The following C14orf119 variants were observed in gnomAD, a reference collection of about 807,000 sequenced individuals.
C14orf119 encodes chromosome 14 open reading frame 119, also known as uncharacterized protein C14orf119.
A neutral mutation model predicts 13.5 loss-of-function variants in C14orf119; 17 were observed. That is an observed-to-expected ratio of 1.26 (90% CI 0.86 to 1.88). The LOEUF (loss-of-function observed/expected upper bound fraction) is 1.88. Ranked by LOEUF, C14orf119 falls within the 40% of genes most tolerant of loss-of-function variation. C14orf119 has a pLI of 0.00. For synonymous variants in C14orf119, 61 were observed against 61.9 expected, an observed-to-expected ratio of 0.99 and a Z score of 0.07; for missense variants, 162 against 165.9, an observed-to-expected ratio of 0.98 and a Z score of 0.13.
chr14:23,098,112 G>T lies in C14orf119; in HGVS notation c.*31G>T. On this transcript the variant is annotated 3_prime_UTR_variant, in exon 2 of 2. Coordinates refer to ENST00000319074, the MANE Select transcript of C14orf119 (RefSeq NM_017924.4). ...ATTCAGACCAAAGAAGATAACCATA[G>T]CTGATGGAGCCATGACTCTCTACAA... The T allele has an allele frequency of 1.3e-6, 2 of 1,592,028 alleles. No homozygotes were observed. The highest frequency in any genetic ancestry group is 2.2e-5 in the East Asian group (1 of 44,646).
chr14:23,096,508 C>CAAAAAAAAAAAAAAA (rs61586635), intron 1 of C14orf119, among the ~76,000 whole-genome samples: 1 of 62,674 alleles, frequency 1.6e-5, no homozygotes, highest in African/African-American at 8.0e-5. Flanking sequence ...GACTCCGTCT[C>CAAAAAAAAAAAAAAA]AAAAAAAAAA....
In C14orf119 at chr14:23,099,511, T is replaced by C. The variant is rs2048412681; in HGVS notation, c.*1430T>C. 1 of 413,148 alleles carries C rather than the reference T, an allele frequency of 2.4e-6. No homozygotes were observed. The highest frequency in any genetic ancestry group is 4.4e-6 in the Non-Finnish European group (1 of 226,150). The allele number at this position is 413,148 out of a possible 1,614,324, so 25.6% of individuals were successfully genotyped here. A position where few individuals can be genotyped will look rare whatever the true frequency, so the allele number is the denominator to read the frequency against. ...CAACCTAGGAACATAGAAGGTAATA[T>C]TTGGCATGGAATAATGCCTAGCCTT... On this transcript the variant is annotated 3_prime_UTR_variant, in exon 2 of 2. Transcript: ENST00000319074.
Position 23,099,287 on chromosome 14 carries a change from CCTCCCTT to C in C14orf119, c.*1207_*1213del. On this transcript the variant is annotated 3_prime_UTR_variant, in exon 2 of 2. Coordinates refer to ENST00000319074, the MANE Select transcript of C14orf119 (RefSeq NM_017924.4). Reference sequence around the variant, plus strand: ...CTGTCATGTTCTGGGCAACATCACACCTCCCTTATTCCTCTAACTGGGACCCTTGTGC... The same window carrying C: ...CTGTCATGTTCTGGGCAACATCACACATTCCTCTAACTGGGACCCTTGTGC... 1 of 413,494 alleles carries C rather than the reference CCTCCCTT, an allele frequency of 2.4e-6. No homozygotes were observed. The highest frequency in any genetic ancestry group is 4.4e-6 in the Non-Finnish European group (1 of 226,164). 25.6% of individuals were successfully genotyped at this position (413,494 alleles called of 1,614,324 possible).
intron 1 of C14orf119, among the ~76,000 whole-genome samples, chr14:23,095,910 G>T (rs2048363764): frequency 6.6e-6 from 1 of 152,224 alleles, no homozygotes; most frequent in South Asian, 2.1e-4. Context: ...AAGCCATGTG[G>T]CAAGATTCTG....
Position 23,097,876 on chromosome 14 carries a change from T to A in C14orf119, c.218T>A (p.Leu73Gln). Residue 73 changes from leucine to glutamine, a missense_variant, in exon 2 of 2, where the codon CTG becomes CAG. Leu to Gln is a moderately radical substitution (Grantham distance 113, BLOSUM62 -2). Coordinates refer to ENST00000319074, the MANE Select transcript of C14orf119 (RefSeq NM_017924.4). ...GCAGTGCCAGAAAAATTACAACCAC[T>A]GCTGGATAGTCTGGAGCAGCTTAGT... is the stretch of plus-strand genomic sequence containing the variant. ...AKAVPEKLQP[L>Q]LDSLEQLSVS... The A allele has an allele frequency of 6.2e-7, 1 of 1,614,196 alleles. No individual in the cohort carries two copies. Among genetic ancestry groups the A allele is most frequent in the South Asian group, 1.1e-5 (1 of 91,088 alleles).
Position 23,099,013 on chromosome 14 carries a change from G to T in C14orf119, c.*932G>T. The T allele has an allele frequency of 3.7e-6, 1 of 269,112 alleles. No individual in the cohort carries two copies. Among genetic ancestry groups the T allele is most frequent in the East Asian group, 6.8e-5 (1 of 14,696 alleles). 16.7% of individuals were successfully genotyped at this position (269,112 alleles called of 1,614,324 possible). A position where few individuals can be genotyped will look rare whatever the true frequency, so the allele number is the denominator to read the frequency against. On this transcript the variant is annotated 3_prime_UTR_variant, in exon 2 of 2. Transcript: ENST00000319074. ...GATATTCTTGGAACTGGTAGCAGGT[G>T]TTCCTATTCTGTAAGTTTGCTTTAC... is the stretch of plus-strand genomic sequence containing the variant.
At chr14:23,097,573 G>C (rs1024733447) in intron 1 of C14orf119, 85 bp from the exon 2 acceptor site, 65 of 1,205,662 alleles carry the variant, frequency 5.4e-5, no homozygotes, top group Non-Finnish European at 7.5e-5. Flanking sequence ...GATGCTAATT[G>C]AGTGTGGTAA....
rs753111070 is a variant in C14orf119 at position 23,097,801 on chromosome 14, A to G, written c.143A>G (p.Asn48Ser). 6.8e-6 allele frequency: 11 copies of G among 1,614,014 alleles called. No homozygotes were observed. Among genetic ancestry groups the G allele is most frequent in the Admixed American group, 3.3e-5 (2 of 60,000 alleles). ...EMKCILHWFA[N>S]WSGPQRERFL... is the part of the protein sequence containing the mutation. ...AAGTGTATTCTTCACTGGTTTGCCA[A>G]TTGGTCAGGTCCCCAGCGTGAACGT... is the stretch of plus-strand genomic sequence containing the variant. The change falls in exon 2 of 2, where the codon AAT (asparagine) becomes AGT (serine). Residue 48 changes from asparagine (N) to serine (S), a missense_variant. Asn to Ser is a conservative substitution (Grantham distance 46, BLOSUM62 1). Transcript: ENST00000319074.
Position 23,098,198 on chromosome 14 carries a change from C to T in C14orf119, c.*117C>T, listed in dbSNP as rs774087645. The T allele has an allele frequency of 1.8e-5, 20 of 1,087,994 alleles. No homozygotes were observed. The highest frequency in any genetic ancestry group is 2.4e-5 in the East Asian group (1 of 40,930). 67.4% of individuals were successfully genotyped at this position (1,087,994 alleles called of 1,614,324 possible). A position where few individuals can be genotyped will look rare whatever the true frequency, so the allele number is the denominator to read the frequency against. On this transcript the variant is annotated 3_prime_UTR_variant, in exon 2 of 2. Coordinates refer to ENST00000319074, the MANE Select transcript of C14orf119 (RefSeq NM_017924.4). ...GGAACTGGTATTCCAACCAGCTGACCGAACTCACTGACCAGTACAGGCATG... is the reference window on the plus strand; with the variant it reads ...GGAACTGGTATTCCAACCAGCTGACTGAACTCACTGACCAGTACAGGCATG...
intron 1 of C14orf119, among the ~76,000 whole-genome samples, chr14:23,096,324 C>A (rs1014354772): frequency 7.9e-5 from 12 of 151,682 alleles, no homozygotes; most frequent in Admixed American, 1.3e-4. Flanking sequence ...GGAGACCAGT[C>A]TGGCCAATAT....
Position 23,098,331 on chromosome 14 carries a change from C to G in C14orf119, c.*250C>G. The G allele has an allele frequency of 2.2e-6, 1 of 458,362 alleles. No homozygotes were observed. The highest frequency in any genetic ancestry group is 4.1e-6 in the Non-Finnish European group (1 of 243,366). The allele number at this position is 458,362 out of a possible 1,614,324, so 28.4% of individuals were successfully genotyped here. A position where few individuals can be genotyped will look rare whatever the true frequency, so the allele number is the denominator to read the frequency against. ...TAGTTTGCTTCTTTCCGAGAGATGT[C>G]AAGTCCTCAAGAATTTGATGGCTTC... On this transcript the variant is annotated 3_prime_UTR_variant, in exon 2 of 2. Transcript: ENST00000319074.
chr14:23,099,811 G>A lies in C14orf119; in HGVS notation c.*1730G>A. ...AGCTAAACAGGAAATCATTAAGAGGGACTATCGAACCTTAAAGTAGAAATA... is the reference window on the plus strand; with the variant it reads ...AGCTAAACAGGAAATCATTAAGAGGAACTATCGAACCTTAAAGTAGAAATA... On this transcript the variant is annotated 3_prime_UTR_variant, in exon 2 of 2. Coordinates refer to ENST00000319074, the MANE Select transcript of C14orf119 (RefSeq NM_017924.4). The A allele has an allele frequency of 4.9e-6, 1 of 202,378 alleles. No individual in the cohort carries two copies. 12.5% of individuals were successfully genotyped at this position (202,378 alleles called of 1,614,324 possible).
At position 23,099,292 on chromosome 14, in the gene C14orf119, C is replaced by T. The variant is rs1482220181; in HGVS notation, c.*1211C>T. 2.4e-6 allele frequency: 1 copy of T among 413,366 alleles called. No homozygotes were observed. The highest frequency in any genetic ancestry group is 3.6e-5 in the East Asian group (1 of 28,082). 25.6% of individuals were successfully genotyped at this position (413,366 alleles called of 1,614,324 possible). A position where few individuals can be genotyped will look rare whatever the true frequency, so the allele number is the denominator to read the frequency against. On this transcript the variant is annotated 3_prime_UTR_variant, in exon 2 of 2. Coordinates refer to ENST00000319074, the MANE Select transcript of C14orf119 (RefSeq NM_017924.4). ...ATGTTCTGGGCAACATCACACCTCC[C>T]TTATTCCTCTAACTGGGACCCTTGT...
chr14:23,095,601 C>T lies in C14orf119; in HGVS notation c.-20C>T, dbSNP rs1056957173. 9 of 359,064 alleles carry T rather than the reference C, an allele frequency of 2.5e-5. No homozygotes were observed. Among genetic ancestry groups the T allele is most frequent in the Non-Finnish European group, 4.6e-5 (9 of 193,796 alleles). 22.2% of individuals were successfully genotyped at this position (359,064 alleles called of 1,614,324 possible). A position where few individuals can be genotyped will look rare whatever the true frequency, so the allele number is the denominator to read the frequency against. ...GGACTCGTGACAATCTTCGGGTGCC[C>T]TTCGAGAGAAAAGGGGAGGTAAGCG... On this transcript the variant is annotated 5_prime_UTR_variant, in exon 1 of 2. Transcript: ENST00000319074.
chr14:23,099,072 G>A lies in C14orf119; in HGVS notation c.*991G>A, dbSNP rs2048409161. The A allele has an allele frequency of 7.8e-6, 3 of 384,480 alleles. No individual in the cohort carries two copies. In the Admixed American group the frequency reaches 1.4e-4, roughly 18 times the overall value. The allele number at this position is 384,480 out of a possible 1,614,324, so 23.8% of individuals were successfully genotyped here. On this transcript the variant is annotated 3_prime_UTR_variant, in exon 2 of 2. Coordinates refer to ENST00000319074, the MANE Select transcript of C14orf119 (RefSeq NM_017924.4). ...GAAAATAAGTGACAATTTACAGGTT[G>A]AACAATTTATTTTTGTACCAAAATA...
intron 1 of C14orf119, among the ~76,000 whole-genome samples, chr14:23,096,480 G>A (rs2048374215): frequency 8.2e-6 from 1 of 122,338 alleles, no homozygotes; most frequent in Non-Finnish European, 1.6e-5. Context: ...TTGCACTACA[G>A]CCTGGGTGAC....
chr14:23,095,862 G>C (rs1177489071), intron 1 of C14orf119, among the ~76,000 whole-genome samples: 2 of 152,164 alleles, frequency 1.3e-5, no homozygotes, highest in South Asian at 2.1e-4. Context: ...ACTATGAACT[G>C]ATCTATGACG....
At position 23,098,108 on chromosome 14, in the gene C14orf119, C is replaced by T. The variant is rs914177624; in HGVS notation, c.*27C>T. On this transcript the variant is annotated 3_prime_UTR_variant, in exon 2 of 2. Transcript: ENST00000319074. ...AGGCATTCAGACCAAAGAAGATAAC[C>T]ATAGCTGATGGAGCCATGACTCTCT... 8.7e-5 allele frequency: 139 copies of T among 1,596,212 alleles called. No individual in the cohort carries two copies. Among genetic ancestry groups the T allele is most frequent in the Non-Finnish European group, 1.2e-4 (136 of 1,168,634 alleles).
rs1171412456 is a variant in C14orf119 at position 23,098,071 on chromosome 14, G to T, written c.413G>T (p.Gly138Val). The T allele has an allele frequency of 6.2e-7, 1 of 1,613,406 alleles. No individual in the cohort carries two copies. The highest frequency in any genetic ancestry group is 1.3e-5 in the African/African-American group (1 of 74,906). The stretch of plus-strand genomic sequence containing the variant: ...TACCAAGCAGTGGCTGCTACAGCTG[G>T]TAAGGACTGATAGGCATTCAGACCA... ...KFYQAVAATA[G>V]KD is the part of the protein sequence containing the mutation. The change falls in exon 2 of 2, where the codon GGT becomes GTT. Residue 138 changes from glycine to valine, a missense_variant. Coordinates refer to ENST00000319074, the MANE Select transcript of C14orf119 (RefSeq NM_017924.4).
Sources: allele counts gnomAD v4.1 joint callset (sites outside exome capture counted in the v4.1 genomes callset), GRCh38; gene constraint gnomAD v4.1.1; transcripts MANE v1.5; gene names NCBI Gene and HGNC (gene_info 2026-07-23, HGNC 2026-07-21).